Variants in NEMP2 observed in about 807,000 individuals in gnomAD.
NEMP2 encodes nuclear envelope integral membrane protein 2, also known as UPF0571 transmembrane protein.
NEMP2 carries 53 observed loss-of-function variants against 54.2 expected under a neutral mutation model. The ratio of observed to expected loss-of-function variants is 0.98; its 90% CI spans 0.78 to 1.23. The LOEUF (loss-of-function observed/expected upper bound fraction) is 1.23. NEMP2 is among the 50% of genes most tolerant of loss of function. The pLI is 0.00. For missense variants in NEMP2, 455 were observed against 511.3 expected, an observed-to-expected ratio of 0.89 and a Z score of 1.06; for synonymous variants, 197 against 190.3, an observed-to-expected ratio of 1.04 and a Z score of -0.29.
At chr2:190,463,972 CA>C in the NEMP2 span, 1 of 816,088 alleles carries the variant, frequency 1.2e-6, no homozygotes, top group Non-Finnish European at 1.5e-6. The surrounding 1 kb of genome is among the most constrained non-coding windows in gnomAD (Gnocchi z 4.4). Context: ...CTGGTGTCAA[CA>C]ACCAGCTCTT....
At chr2:190,637,452 G>T in the NEMP2 span, among the ~76,000 whole-genome samples, 6 of 152,186 alleles carry the variant, frequency 3.9e-5, no homozygotes, top group Admixed American at 3.9e-4. The surrounding 1 kb of genome is among the most constrained non-coding windows in gnomAD (Gnocchi z 4.5). Context: ...GCACAATTTG[G>T]TCTCTACAAT....
At position 190,523,378 on chromosome 2, in the gene NEMP2, TA is replaced by T. The variant is rs1690819190; in HGVS notation, c.213+1884del. The stretch of plus-strand genomic sequence containing the variant: ...TGTATTCTGGGATTAGGCAAATAAA[TA>T]AATATATTTGAGGATAATGGGAACT... On this transcript the variant is annotated intron_variant, in intron 2 of 8. Coordinates refer to ENST00000409150, the MANE Select transcript of NEMP2 (RefSeq NM_001142645.2). The surrounding 1 kb of genome is among the most constrained non-coding windows in gnomAD (Gnocchi z 5.3). Among the ~76,000 whole-genome samples the T allele has an allele frequency of 5.9e-5, 9 of 152,306 alleles. No individual in the cohort carries two copies. In the South Asian group the frequency reaches 1.9e-3, roughly 32 times the overall value.
At chr2:190,556,223 A>G in the NEMP2 span, among the ~76,000 whole-genome samples, 1 of 152,254 alleles carries the variant, frequency 6.6e-6, no homozygotes, top group East Asian at 1.9e-4. Context: ...ACCAATGCCA[A>G]AAACCACATG....
At chr2:190,549,165 C>T in the NEMP2 span, among the ~76,000 whole-genome samples, 1 of 152,220 alleles carries the variant, frequency 6.6e-6, no homozygotes, top group Admixed American at 6.5e-5. Context: ...CCTCTGTTCT[C>T]TGTTCCTGAA....
At chr2:190,617,532 T>A in the NEMP2 span, among the ~76,000 whole-genome samples, 1 of 152,136 alleles carries the variant, frequency 6.6e-6, no homozygotes, top group Admixed American at 6.5e-5. This position sits in a 1 kb window ranked among gnomAD's most constrained non-coding sequence, Gnocchi z 5.0. Context: ...TCAGAGAAAC[T>A]AGGAATATCC....
At chr2:190,524,963 G>A (rs1690879872) in intron 2 of NEMP2, among the ~76,000 whole-genome samples, 1 of 152,244 alleles carries the variant, frequency 6.6e-6, no homozygotes, top group Admixed American at 6.5e-5. Context: ...ATTGTGGAAA[G>A]TAGGAGGAAC....
the NEMP2 span, among the ~76,000 whole-genome samples, chr2:190,491,773 C>T: frequency 1.3e-5 from 2 of 152,178 alleles, no homozygotes; most frequent in Non-Finnish European, 1.5e-5. The surrounding 1 kb of genome is among the most constrained non-coding windows in gnomAD (Gnocchi z 4.2). Flanking sequence ...CCAACAAAAT[C>T]ACACTAGCAC....
the NEMP2 span, among the ~76,000 whole-genome samples, chr2:190,461,522 C>CT: frequency 6.6e-6 from 1 of 152,168 alleles, no homozygotes; most frequent in East Asian, 1.9e-4. The surrounding 1 kb of genome is among the most constrained non-coding windows in gnomAD (Gnocchi z 5.5). Flanking sequence ...TTTTACCTTG[C>CT]TTTAAATGCC....
rs1198710276 is a variant in NEMP2 at position 190,510,599 on chromosome 2, T to C, written c.954-62A>G. The C allele has an allele frequency of 4.6e-6, 7 of 1,529,866 alleles. No individual in the cohort carries two copies. Among genetic ancestry groups the C allele is most frequent in the Non-Finnish European group, 6.2e-6 (7 of 1,129,584 alleles). 94.8% of individuals were successfully genotyped at this position (1,529,866 alleles called of 1,614,324 possible). A position where few individuals can be genotyped will look rare whatever the true frequency, so the allele number is the denominator to read the frequency against. On this transcript the variant is annotated intron_variant, in intron 7 of 8. Coordinates refer to ENST00000409150, the MANE Select transcript of NEMP2 (RefSeq NM_001142645.2). This position sits in a 1 kb window ranked among gnomAD's most constrained non-coding sequence, Gnocchi z 5.7. Reference sequence around the variant, plus strand: ...ATTCAATCCTTAAGATTTACAAAAATAGGCCAGGCTCGGTGGCTCACGCCT... The same window carrying C: ...ATTCAATCCTTAAGATTTACAAAAACAGGCCAGGCTCGGTGGCTCACGCCT...
chr2:190,450,010 A>T, the NEMP2 span, among the ~76,000 whole-genome samples: 1 of 151,844 alleles, frequency 6.6e-6, no homozygotes, highest in East Asian at 1.9e-4. Flanking sequence ...AACTTAAAGT[A>T]TAATAATAAT....
the NEMP2 span, among the ~76,000 whole-genome samples, chr2:190,427,830 C>A: frequency 6.6e-6 from 1 of 152,042 alleles, no homozygotes; most frequent in Admixed American, 6.5e-5. Flanking sequence ...CTCCTGGGTT[C>A]AAGCGATTCT....
At chr2:190,535,699 C>T (rs1574326769), upstream of NEMP2, among the ~76,000 whole-genome samples, 1 of 152,196 alleles carries the variant, frequency 6.6e-6, no homozygotes, top group African/African-American at 2.4e-5. Context: ...AAGGTTTAAC[C>T]AACTGCCCTT....
chr2:190,432,276 C>T, the NEMP2 span, among the ~76,000 whole-genome samples: 1 of 152,220 alleles, frequency 6.6e-6, no homozygotes, highest in South Asian at 2.1e-4. Context: ...CTCTGGGAAC[C>T]TCCTGAAGAA....
At chr2:190,619,458 T>A in the NEMP2 span, among the ~76,000 whole-genome samples, 3 of 151,776 alleles carry the variant, frequency 2.0e-5, no homozygotes, top group Non-Finnish European at 4.4e-5. The surrounding 1 kb of genome is among the most constrained non-coding windows in gnomAD (Gnocchi z 5.5). Flanking sequence ...TATGATTGCA[T>A]CAGTGTGCCC....
downstream of NEMP2, chr2:190,501,056 TTAC>T (rs1559149164): frequency 6.6e-6 from 1 of 152,232 alleles, no homozygotes; most frequent in East Asian, 1.9e-4. Flanking sequence ...CTCTCGCTAT[TTAC>T]TATCTTATAG....
the NEMP2 span, among the ~76,000 whole-genome samples, chr2:190,598,680 C>T: frequency 1.3e-5 from 2 of 152,232 alleles, no homozygotes; most frequent in African/African-American, 4.8e-5. Context: ...ATTTTATCTA[C>T]TAGCTAGCAA....
At position 190,514,262 on chromosome 2, in the gene NEMP2, A is replaced by C. The variant is rs1690470076; in HGVS notation, c.953+191T>G. ...TTGGTGGTACAGCTCTCAACGATTA[A>C]TGAAGACTAGCCATGAAGATGGGAT... On this transcript the variant is annotated intron_variant, in intron 7 of 8. Coordinates refer to ENST00000409150, the MANE Select transcript of NEMP2 (RefSeq NM_001142645.2). The surrounding 1 kb of genome is among the most constrained non-coding windows in gnomAD (Gnocchi z 5.7). Among the ~76,000 whole-genome samples the C allele has an allele frequency of 6.6e-6, 1 of 152,236 alleles. No individual in the cohort carries two copies. The highest frequency in any genetic ancestry group is 2.4e-5 in the African/African-American group (1 of 41,470).
chr2:190,516,666 T>TG (rs1246849306), intron 5 of NEMP2, among the ~76,000 whole-genome samples: 1 of 152,188 alleles, frequency 6.6e-6, no homozygotes, highest in African/African-American at 2.4e-5. Flanking sequence ...ACACTGAAGT[T>TG]GGAGTTATAA....
the NEMP2 span, among the ~76,000 whole-genome samples, chr2:190,631,479 T>C: frequency 6.6e-6 from 1 of 152,232 alleles, no homozygotes; most frequent in South Asian, 2.1e-4. Flanking sequence ...TTTATATTAA[T>C]ATTTTACTAC....
Sources: gnomAD v4.1 joint callset for allele counts (sites outside exome capture counted in the v4.1 genomes callset) on GRCh38, gnomAD v4.1.1 for gene constraint, Gnocchi (gnomAD v3.1) non-coding constraint, MANE v1.5 for transcripts, NCBI Gene and HGNC (gene_info 2026-07-23, HGNC 2026-07-21) for gene names.